Variants in SUMF1 observed in about 807,000 individuals in gnomAD.
SUMF1 encodes sulfatase modifying factor 1.
SUMF1 carries 48 observed loss-of-function variants against 47.6 expected under a neutral mutation model. The observed-to-expected ratio is 1.01, with a 90% CI of 0.80 to 1.28. SUMF1 has a LOEUF of 1.28. Among genes scored for constraint, SUMF1 ranks in the 50% most tolerant of loss-of-function variants. The pLI is 0.00. For missense variants in SUMF1, 571 were observed against 485.4 expected (o/e 1.18, Z -1.66); for synonymous variants, 230 against 192.1 (o/e 1.20, Z -1.63).
intron 8 of SUMF1, among the ~76,000 whole-genome samples, chr3:4,198,215 G>T (rs577726503): frequency 6.6e-6 from 1 of 152,030 alleles, no homozygotes; most frequent in Non-Finnish European, 1.5e-5. Flanking sequence ...CAGTGAGTGG[G>T]ATTCTTTCAT....
chr3:4,398,247 T>G (rs1349953073), intron 7 of SUMF1, among the ~76,000 whole-genome samples: 1 of 152,196 alleles, frequency 6.6e-6, no homozygotes, highest in Non-Finnish European at 1.5e-5. Context: ...AAGAGGATTG[T>G]GTCTGTTAGA....
chr3:4,352,614 T>C (rs539142886), intron 8 of SUMF1, among the ~76,000 whole-genome samples: 1 of 152,126 alleles, frequency 6.6e-6, no homozygotes, highest in African/African-American at 2.4e-5. Context: ...CACCGAATAC[T>C]TGCAAAGCCC....
intron 8 of SUMF1, among the ~76,000 whole-genome samples, chr3:4,270,409 TTC>T (rs138890956): frequency 6.1e-4 from 91 of 148,630 alleles, no homozygotes; most frequent in Middle Eastern, 3.4e-3. Context: ...CTCTCTCTCT[TTC>T]TCTCTCTCTC....
intron 8 of SUMF1, among the ~76,000 whole-genome samples, chr3:4,286,090 T>A (rs963942775): frequency 2.0e-5 from 3 of 152,112 alleles, no homozygotes; most frequent in African/African-American, 7.2e-5. Flanking sequence ...TCATTTGTTA[T>A]ATGCTTAAAT....
At chr3:4,120,124 G>C (rs534307758) in intron 8 of SUMF1, among the ~76,000 whole-genome samples, 1 of 152,130 alleles carries the variant, frequency 6.6e-6, no homozygotes, top group Admixed American at 6.5e-5. Flanking sequence ...GTCTCAGGAA[G>C]TCCATCTTCC....
chr3:4,312,846 T>C, intron 8 of SUMF1: 2 of 1,535,248 alleles, frequency 1.3e-6, no homozygotes, highest in Non-Finnish European at 1.7e-6. Context: ...TTGGAATATA[T>C]AGGAAATATA....
intron 8 of SUMF1, chr3:4,313,061 C>A: frequency 6.2e-7 from 1 of 1,613,946 alleles, no homozygotes. Flanking sequence ...GATATAGGAT[C>A]TGGAGGAAAG....
intron 1 of SUMF1, among the ~76,000 whole-genome samples, chr3:4,454,466 C>T (rs1394567425): frequency 6.6e-6 from 1 of 152,184 alleles, no homozygotes; most frequent in East Asian, 1.9e-4. Flanking sequence ...AATTGGAACC[C>T]TCACATATTG....
chr3:4,232,178 T>C (rs1696314300), intron 8 of SUMF1, among the ~76,000 whole-genome samples: 1 of 152,184 alleles, frequency 6.6e-6, no homozygotes, highest in East Asian at 1.9e-4. Flanking sequence ...GCAACCATAC[T>C]GGGGCAGGAG....
At chr3:4,317,476 T>G (rs560607370) in intron 8 of SUMF1, 37 of 459,196 alleles carry the variant, frequency 8.1e-5, no homozygotes, top group African/African-American at 6.2e-4. Flanking sequence ...TGAGTCCAAT[T>G]GTTCAGGACC....
intron 9 of SUMF1, among the ~76,000 whole-genome samples, chr3:4,060,544 G>A (rs1255286166): frequency 6.6e-6 from 1 of 152,176 alleles, no homozygotes; most frequent in Non-Finnish European, 1.5e-5. Context: ...CCCCAGCAGA[G>A]TCTTGGGTAG....
chr3:4,453,494 A>G (rs793397), intron 1 of SUMF1, among the ~76,000 whole-genome samples: 32,800 of 151,472 alleles, frequency 0.22, 4,148 homozygotes, highest in Non-Finnish European at 0.3. Flanking sequence ...CAGTCTCTCA[A>G]ACAGCTGGAG....
At chr3:4,332,381 G>C (rs1699067661) in intron 8 of SUMF1, among the ~76,000 whole-genome samples, 2 of 152,198 alleles carry the variant, frequency 1.3e-5, no homozygotes, top group African/African-American at 4.8e-5. Flanking sequence ...TGTGAAACAA[G>C]GTAGAAAATT....
intron 3 of SUMF1, among the ~76,000 whole-genome samples, chr3:4,425,636 A>G (rs1363511218): frequency 3.3e-5 from 5 of 152,070 alleles, no homozygotes; most frequent in Non-Finnish European, 4.4e-5. Flanking sequence ...ACCATCTTCC[A>G]TCACAGTCAT....
At chr3:4,119,373 G>A (rs775190301) in intron 8 of SUMF1, among the ~76,000 whole-genome samples, 1 of 152,002 alleles carries the variant, frequency 6.6e-6, no homozygotes, top group Non-Finnish European at 1.5e-5. Context: ...GTCATTGGAG[G>A]CCTTTGCAGT....
At chr3:4,245,644 G>A (rs1452971746) in intron 8 of SUMF1, among the ~76,000 whole-genome samples, 1 of 152,126 alleles carries the variant, frequency 6.6e-6, no homozygotes, top group Non-Finnish European at 1.5e-5. Context: ...CCTGTATGAG[G>A]TGTCTGTCAG....
At chr3:4,196,982 T>C (rs1204045595) in intron 8 of SUMF1, among the ~76,000 whole-genome samples, 1 of 152,124 alleles carries the variant, frequency 6.6e-6, no homozygotes, top group Non-Finnish European at 1.5e-5. Context: ...CAACCTTCCA[T>C]TCTAACCCTA....
chr3:4,456,378 G>A (rs1330409280), intron 1 of SUMF1, among the ~76,000 whole-genome samples: 1 of 151,254 alleles, frequency 6.6e-6, no homozygotes, highest in African/African-American at 2.4e-5. Context: ...TTAGGCAAGA[G>A]AAAGAAAGAA....
chr3:4,375,483 G>A (rs1700299898), intron 8 of SUMF1, among the ~76,000 whole-genome samples: 1 of 152,120 alleles, frequency 6.6e-6, no homozygotes. Flanking sequence ...GATCCCAGAT[G>A]ATTACAATGT....
Sources: allele counts gnomAD v4.1 joint callset (sites outside exome capture counted in the v4.1 genomes callset), GRCh38; gene constraint gnomAD v4.1.1; transcripts MANE v1.5; gene names NCBI Gene and HGNC (gene_info 2026-07-23, HGNC 2026-07-21).